Variants in OSBPL6 observed in about 807,000 individuals in gnomAD.
The protein encoded by OSBPL6 is oxysterol binding protein like 6.
In OSBPL6, 49 loss-of-function variants were observed where a neutral mutation model predicts 125.8. That is an observed-to-expected ratio of 0.39 (90% CI 0.31 to 0.49). The LOEUF (loss-of-function observed/expected upper bound fraction) is 0.49. Among genes scored for constraint, OSBPL6 ranks in the 20% least tolerant of loss-of-function variants. The probability of loss-of-function intolerance (pLI) is 0.88; values close to 1 mark genes in which losing one functional copy is unlikely to be tolerated. For missense variants in OSBPL6, 986 were observed against 1,135.4 expected (o/e 0.87, Z 1.89); for synonymous variants, 394 against 391.8 (o/e 1.01, Z -0.07).
rs956405719 is a variant in OSBPL6 at position 178,398,509 on chromosome 2, G to A, written c.*2950G>A. On this transcript the variant is annotated 3_prime_UTR_variant, in exon 25 of 25. Coordinates refer to ENST00000190611, the MANE Select transcript of OSBPL6 (RefSeq NM_032523.4). ...TCGATTCCATATGCTGTCACCCAGG[G>A]TGCAGATTTACTCTCTTTTGCTGTT... The A allele has an allele frequency of 3.3e-5, 5 of 152,090 alleles. No individual in the cohort carries two copies. The highest frequency in any genetic ancestry group is 1.2e-4 in the African/African-American group (5 of 41,402). The allele number at this position is 152,090 out of a possible 1,614,324, so 9.4% of individuals were successfully genotyped here.
At chr2:178,355,221 C>T (rs367578514) in intron 12 of OSBPL6, among the ~76,000 whole-genome samples, 7 of 151,752 alleles carry the variant, frequency 4.6e-5, no homozygotes, top group East Asian at 1.9e-4. Flanking sequence ...GCAGAAGGCA[C>T]GAAATAACTA....
intron 1 of OSBPL6, among the ~76,000 whole-genome samples, chr2:178,280,190 T>C (rs549265415): frequency 1.3e-5 from 2 of 152,172 alleles, no homozygotes; most frequent in Non-Finnish European, 2.9e-5. Flanking sequence ...GAGTGAGATC[T>C]GTCTCAAAAA....
At chr2:178,226,765 G>A (rs955583439) in intron 1 of OSBPL6, among the ~76,000 whole-genome samples, 1 of 152,172 alleles carries the variant, frequency 6.6e-6, no homozygotes, top group Non-Finnish European at 1.5e-5. Context: ...AAGACTTTTA[G>A]ACTTGGATAG....
At chr2:178,259,212 A>G (rs1389779255) in intron 1 of OSBPL6, among the ~76,000 whole-genome samples, 4 of 152,114 alleles carry the variant, frequency 2.6e-5, no homozygotes, top group Non-Finnish European at 5.9e-5. Flanking sequence ...ATTTTCCCCA[A>G]GTGTACCTGC....
At position 178,385,473 on chromosome 2, in the gene OSBPL6, C is replaced by T. The variant is rs1223695170; in HGVS notation, c.2029C>T (p.Pro677Ser). 4 of 1,611,320 alleles carry T rather than the reference C, an allele frequency of 2.5e-6. No individual in the cohort carries two copies. The highest frequency in any genetic ancestry group is 3.4e-6 in the Non-Finnish European group (4 of 1,178,092). Residue 677 changes from proline to serine, a missense_variant, in exon 19 of 25, where the codon CCC (proline) becomes TCC (serine). Transcript: ENST00000190611. ...TAATTACCAGGTTAGCCATCATCCA[C>T]CCATTTCTGCCTGTCACTGTGAATC... ...FFSEQVSHHP[P>S]ISACHCESKN...
At chr2:178,306,547 T>C (rs1686777626) in intron 3 of OSBPL6, among the ~76,000 whole-genome samples, 1 of 152,188 alleles carries the variant, frequency 6.6e-6, no homozygotes, top group Admixed American at 6.5e-5. Flanking sequence ...TTTTCCTCCC[T>C]GCACCTGGAG....
chr2:178,303,941 T>G (rs1355959232), intron 2 of OSBPL6, among the ~76,000 whole-genome samples: 1 of 152,172 alleles, frequency 6.6e-6, no homozygotes, highest in Non-Finnish European at 1.5e-5. Flanking sequence ...ACAAATCTGG[T>G]TACGTCTCGA....
At chr2:178,208,433 C>G (rs2089654981) in intron 1 of OSBPL6, among the ~76,000 whole-genome samples, 1 of 152,198 alleles carries the variant, frequency 6.6e-6, no homozygotes, top group Admixed American at 6.5e-5. Flanking sequence ...TAGACTCTTT[C>G]AAACCAATTA....
At position 178,328,159 on chromosome 2, in the gene OSBPL6, A is replaced by C. The variant is rs148611646; in HGVS notation, c.196-97A>C. On this transcript the variant is annotated intron_variant, in intron 4 of 24. Coordinates refer to ENST00000190611, the MANE Select transcript of OSBPL6 (RefSeq NM_032523.4). ...GTTCATCCTTCTTTCTGGTGGGCCT[A>C]GTACTGCTTCAAAAGCAACTTCTAC... 1.0e-4 allele frequency: 152 copies of C among 1,503,896 alleles called. No individual in the cohort carries two copies. In the African/African-American group the frequency reaches 1.3e-3, roughly 13 times the overall value. 93.2% of individuals were successfully genotyped at this position (1,503,896 alleles called of 1,614,324 possible). A position where few individuals can be genotyped will look rare whatever the true frequency, so the allele number is the denominator to read the frequency against.
At position 178,332,890 on chromosome 2, in the gene OSBPL6, T is replaced by C; in HGVS notation, c.506T>C (p.Phe169Ser). 1 of 1,613,062 alleles carries C rather than the reference T, an allele frequency of 6.2e-7. No homozygotes were observed. ...YHLKVKSQDWFDAWVSKLRHH... is the reference protein window; with the variant it reads ...YHLKVKSQDWSDAWVSKLRHH... ...TTTTAGGTGAAATCCCAGGACTGGTTTGATGCATGGGTCTCCAAACTGCGA... is the reference window on the plus strand; with the variant it reads ...TTTTAGGTGAAATCCCAGGACTGGTCTGATGCATGGGTCTCCAAACTGCGA... The change falls in exon 8 of 25, where the codon TTT becomes TCT. Residue 169 changes from phenylalanine to serine, a missense_variant. Physicochemically the swap from Phe to Ser is radical, Grantham distance 155 (BLOSUM62 -2). Transcript: ENST00000190611.
intron 3 of OSBPL6, among the ~76,000 whole-genome samples, chr2:178,317,600 TATAA>T (rs1687873330): frequency 6.6e-6 from 1 of 151,064 alleles, no homozygotes; most frequent in Non-Finnish European, 1.5e-5. Flanking sequence ...TACATGTTCT[TATAA>T]ATATTTGCTG....
At position 178,211,888 on chromosome 2, in the gene OSBPL6, C is replaced by A. The variant is rs570589945; in HGVS notation, c.-351+17214C>A. Among the ~76,000 whole-genome samples the A allele has an allele frequency of 2.0e-5, 3 of 152,290 alleles. No homozygotes were observed. In the East Asian group the frequency reaches 5.8e-4, roughly 29 times the overall value. On this transcript the variant is annotated intron_variant, in intron 1 of 24. Coordinates refer to ENST00000190611, the MANE Select transcript of OSBPL6 (RefSeq NM_032523.4). ...ACTCTAACTCTGTTATGGCTTCCCACATGGCCTGGACTCCACCAATTATAA... is the reference window on the plus strand; with the variant it reads ...ACTCTAACTCTGTTATGGCTTCCCAAATGGCCTGGACTCCACCAATTATAA...
At chr2:178,320,287 A>G in intron 3 of OSBPL6, 2 of 1,612,068 alleles carry the variant, frequency 1.2e-6, no homozygotes, top group South Asian at 2.2e-5. Flanking sequence ...ATGAACACTA[A>G]CCTGAGGAGC....
At chr2:178,202,123 C>T (rs2089291374) in intron 1 of OSBPL6, among the ~76,000 whole-genome samples, 1 of 152,160 alleles carries the variant, frequency 6.6e-6, no homozygotes, top group Admixed American at 6.5e-5. Context: ...ATAAACCCCA[C>T]ATTATATTGT....
rs1278844709 is a variant in OSBPL6, at chr2:178,320,144, G to A, written c.103-4033G>A. On this transcript the variant is annotated intron_variant, in intron 3 of 24. Coordinates refer to ENST00000190611, the MANE Select transcript of OSBPL6 (RefSeq NM_032523.4). ...GAGAATCACGTTTCTCTCCGCGTGA[G>A]TTGCACCAAACCATTCAGCTATTAT... 5.0e-6 allele frequency: 5 copies of A among 1,008,838 alleles called. No individual in the cohort carries two copies. In the African/African-American group the frequency reaches 8.3e-5, roughly 17 times the overall value. 62.5% of individuals were successfully genotyped at this position (1,008,838 alleles called of 1,614,324 possible).
Position 178,306,090 on chromosome 2 carries a change from G to T in OSBPL6, c.-95G>T. On this transcript the variant is annotated 5_prime_UTR_variant, in exon 3 of 25. The change creates a premature stop within an existing upstream ORF in the 5' untranslated region. Coordinates refer to ENST00000190611, the MANE Select transcript of OSBPL6 (RefSeq NM_032523.4). ...CTAGTCAAACCTGATTCATGAAATG[G>T]AATGAAGCTGAAAAATCATCTACTT... 1 of 797,282 alleles carries T rather than the reference G, an allele frequency of 1.3e-6. No homozygotes were observed. Among genetic ancestry groups the T allele is most frequent in the Admixed American group, 2.1e-5 (1 of 47,288 alleles). The allele number at this position is 797,282 out of a possible 1,614,324, so 49.4% of individuals were successfully genotyped here.
In OSBPL6 at chr2:178,196,673, G is replaced by A. The variant is rs544170968; in HGVS notation, c.-351+1999G>A. On this transcript the variant is annotated intron_variant, in intron 1 of 24. Coordinates refer to ENST00000190611, the MANE Select transcript of OSBPL6 (RefSeq NM_032523.4). ...TAGTACCACCACAGATACCGGATTA[G>A]GTAAACTGCATAAGGAGATAAAAAT... is the stretch of plus-strand genomic sequence containing the variant. Among the ~76,000 whole-genome samples the A allele has an allele frequency of 5.3e-5, 8 of 152,218 alleles. No homozygotes were observed. In the East Asian group the frequency reaches 1.5e-3, roughly 29 times the overall value.
intron 8 of OSBPL6, among the ~76,000 whole-genome samples, chr2:178,335,585 A>G (rs1689605009): frequency 6.6e-6 from 1 of 152,206 alleles, no homozygotes; most frequent in African/African-American, 2.4e-5. Flanking sequence ...ATGATTTAGA[A>G]GAGACACAAC....
intron 6 of OSBPL6, 133 bp from the exon 7 acceptor site, chr2:178,332,508 T>C (rs939053484): frequency 1.5e-6 from 1 of 648,964 alleles, no homozygotes; most frequent in Admixed American, 2.7e-5. Flanking sequence ...CTATTTTCTG[T>C]TTGTTAAGGA....
Sources: allele counts gnomAD v4.1 joint callset (sites outside exome capture counted in the v4.1 genomes callset), GRCh38; gene constraint gnomAD v4.1.1; transcripts MANE v1.5; gene names NCBI Gene and HGNC (gene_info 2026-07-23, HGNC 2026-07-21).